The following DERL2 variants were observed in gnomAD, a reference collection of about 807,000 sequenced individuals.
DERL2 encodes derlin-2.
A neutral mutation model predicts 32.0 loss-of-function variants in DERL2; 13 were observed. The observed-to-expected ratio is 0.41, with a 90% confidence interval of 0.26 to 0.65. The LOEUF (loss-of-function observed/expected upper bound fraction) is 0.65. Ranked by LOEUF, DERL2 falls within the 30% of genes least tolerant of loss-of-function variation. The pLI is 0.35. For missense variants in DERL2, 208 were observed against 296.3 expected (o/e 0.70, Z 2.19); for synonymous variants, 111 against 104.7 (o/e 1.06, Z -0.37).
At chr17:5,478,569 G>A (rs151250454) in intron 6 of DERL2, among the ~76,000 whole-genome samples, 1,553 of 152,264 alleles carry the variant, frequency 0.01, 6 homozygotes, top group Non-Finnish European at 0.015. Context: ...TCTGGAAGGC[G>A]TTTGGCAACA....
At chr17:5,480,970 T>A in intron 4 of DERL2, 1 of 550,704 alleles carries the variant, frequency 1.8e-6, no homozygotes, top group East Asian at 3.0e-5. Flanking sequence ...ATTGTATAGA[T>A]GAAAATTCTT....
chr17:5,481,085 C>A lies in DERL2; in HGVS notation c.327+211G>T. 1.7e-6 allele frequency: 1 copy of A among 606,050 alleles called. No homozygotes were observed. The highest frequency in any genetic ancestry group is 2.8e-5 in the East Asian group (1 of 35,658). The allele number at this position is 606,050 out of a possible 1,614,324, so 37.5% of individuals were successfully genotyped here. A position where few individuals can be genotyped will look rare whatever the true frequency, so the allele number is the denominator to read the frequency against. On this transcript the variant is annotated intron_variant, in intron 4 of 6. Transcript: ENST00000158771. This position sits in a 1 kb window ranked among gnomAD's most constrained non-coding sequence, Gnocchi z 4.4. ...AAGCAGTAATGATATAACTGAGTTG[C>A]TTAACAGTAACCCACCTGGGTTAAA...
intron 1 of DERL2, among the ~76,000 whole-genome samples, chr17:5,485,473 C>T (rs1472861515): frequency 1.3e-5 from 2 of 152,160 alleles, no homozygotes; most frequent in African/African-American, 4.8e-5. Flanking sequence ...AGAAATGAGG[C>T]AGACAGGTGG....
Position 5,485,134 on chromosome 17 carries a change from T to C in DERL2, c.159+17A>G, listed in dbSNP as rs745532924. On this transcript the variant is annotated intron_variant, in intron 2 of 6. Coordinates refer to ENST00000158771, the MANE Select transcript of DERL2 (RefSeq NM_016041.5). Reference sequence around the variant, plus strand: ...AAGAAACTGAAGCATTAATCACTATTGTGATGAACCACTTACTTGAAAGTG... The same window carrying C: ...AAGAAACTGAAGCATTAATCACTATCGTGATGAACCACTTACTTGAAAGTG... 1 of 1,518,424 alleles carries C rather than the reference T, an allele frequency of 6.6e-7. No homozygotes were observed. The highest frequency in any genetic ancestry group is 2.0e-5 in the Admixed American group (1 of 50,688). 94.1% of individuals were successfully genotyped at this position (1,518,424 alleles called of 1,614,324 possible).
intron 3 of DERL2, chr17:5,482,596 G>A: frequency 2.4e-6 from 1 of 422,302 alleles, no homozygotes; most frequent in South Asian, 2.6e-5. Context: ...GAGCAGAAGT[G>A]CTATCTTTTT....
chr17:5,479,802 G>T (rs1485029342), intron 6 of DERL2, among the ~76,000 whole-genome samples: 1 of 152,132 alleles, frequency 6.6e-6, no homozygotes, highest in African/African-American at 2.4e-5. Flanking sequence ...AAGTTCTAGT[G>T]GTCATCTCTA....
intron 6 of DERL2, among the ~76,000 whole-genome samples, chr17:5,478,277 A>G (rs1017589134): frequency 6.6e-6 from 1 of 152,168 alleles, no homozygotes; most frequent in Non-Finnish European, 1.5e-5. Flanking sequence ...CAGGAGGCTG[A>G]GGTGGGAGGA....
chr17:5,479,188 G>C (rs1905591859), intron 6 of DERL2, among the ~76,000 whole-genome samples: 1 of 152,166 alleles, frequency 6.6e-6, no homozygotes, highest in South Asian at 2.1e-4. Context: ...CGCAATCATA[G>C]TGTATGCAGC....
chr17:5,476,376 A>G (rs746183769), intron 6 of DERL2, among the ~76,000 whole-genome samples: 6 of 152,248 alleles, frequency 3.9e-5, no homozygotes, highest in Non-Finnish European at 8.8e-5. Context: ...AAACAAACAT[A>G]CCAACAGAAA....
intron 2 of DERL2, 73 bp from the exon 3 acceptor site, chr17:5,482,955 A>G: frequency 2.4e-6 from 2 of 830,162 alleles, no homozygotes; most frequent in Non-Finnish European, 3.8e-6. Flanking sequence ...ATATTAATAC[A>G]AAAGAAACAT....
intron 5 of DERL2, 66 bp downstream of exon 5, chr17:5,480,321 A>C: frequency 6.7e-7 from 1 of 1,502,272 alleles, no homozygotes; most frequent in South Asian, 1.2e-5. Flanking sequence ...CAGAATAAAC[A>C]TGAAAAATAG....
intron 2 of DERL2, among the ~76,000 whole-genome samples, chr17:5,484,699 G>C (rs2151710276): frequency 6.6e-6 from 1 of 152,310 alleles, no homozygotes; most frequent in South Asian, 2.1e-4. Context: ...TGAGTTTCTG[G>C]ACCATGGTGA....
chr17:5,481,305 G>C lies in DERL2; in HGVS notation c.318C>G (p.Phe106Leu). 6.2e-7 allele frequency: 1 copy of C among 1,613,048 alleles called. No individual in the cohort carries two copies. The highest frequency in any genetic ancestry group is 8.5e-7 in the Non-Finnish European group (1 of 1,179,018). ...GTTTGTTGAAGGATACGGTCATTAA[G>C]AATCCACCAAAAAGGAACATAAATA... ...DFVFMFLFGGFLMTLFGLFVS... is the reference protein window; with the variant it reads ...DFVFMFLFGGLLMTLFGLFVS... The change falls in exon 4 of 7, where the codon TTC becomes TTG. Residue 106 changes from phenylalanine (F) to leucine (L), a missense_variant. Physicochemically the swap from Phe to Leu is conservative, Grantham distance 22. Coordinates refer to ENST00000158771, the MANE Select transcript of DERL2 (RefSeq NM_016041.5). This position sits in a 1 kb window ranked among gnomAD's most constrained non-coding sequence, Gnocchi z 4.4.
rs1033314637 is a variant in DERL2 at position 5,479,921 on chromosome 17, A to G, written c.614+133T>C. ...GTCCAAGTGCTCTTCAACTGTAGCC[A>G]GAATGCTCAATCTGCAAATGGTTAC... On this transcript the variant is annotated intron_variant, in intron 6 of 6. Coordinates refer to ENST00000158771, the MANE Select transcript of DERL2 (RefSeq NM_016041.5). 4 of 605,380 alleles carry G rather than the reference A, an allele frequency of 6.6e-6. No individual in the cohort carries two copies. In the East Asian group the frequency reaches 8.4e-5, roughly 13 times the overall value. 37.5% of individuals were successfully genotyped at this position (605,380 alleles called of 1,614,324 possible).
Position 5,481,562 on chromosome 17 carries a change from A to C in DERL2, c.234-173T>G, listed in dbSNP as rs1269449037. Among the ~76,000 whole-genome samples the C allele has an allele frequency of 1.3e-5, 2 of 152,326 alleles. No homozygotes were observed. The highest frequency in any genetic ancestry group is 2.9e-5 in the Non-Finnish European group (2 of 68,024). The stretch of plus-strand genomic sequence containing the variant: ...TACTTTTTTACCAAGCATTTGAGAA[A>C]AGGTCAAGACCAGCATCATTTTTTA... On this transcript the variant is annotated intron_variant, in intron 3 of 6. Transcript: ENST00000158771. The surrounding 1 kb of genome is among the most constrained non-coding windows in gnomAD (Gnocchi z 4.4).
chr17:5,482,638 C>T, intron 3 of DERL2, 171 bp downstream of exon 3: 1 of 509,692 alleles, frequency 2.0e-6, no homozygotes, highest in East Asian at 3.8e-5. Flanking sequence ...AACAAAGTGA[C>T]CTACAGACAT....
intron 2 of DERL2, among the ~76,000 whole-genome samples, chr17:5,484,054 G>A (rs529171837): frequency 6.6e-6 from 1 of 152,326 alleles, no homozygotes; most frequent in East Asian, 1.9e-4. Context: ...CTAAAACAAA[G>A]GAGGATGAGT....
chr17:5,476,334 G>A (rs779282899), intron 6 of DERL2, among the ~76,000 whole-genome samples: 1 of 152,130 alleles, frequency 6.6e-6, no homozygotes, highest in African/African-American at 2.4e-5. Flanking sequence ...AATTCAAAAT[G>A]AGTTTTTAAA....
rs1001691192 is a variant in DERL2, at chr17:5,473,830, GAAAAA to G, written c.*849_*853del. 6.7e-6 allele frequency: 1 copy of G among 149,984 alleles called. No individual in the cohort carries two copies. Among genetic ancestry groups the G allele is most frequent in the African/African-American group, 2.5e-5 (1 of 40,764 alleles). The allele number at this position is 149,984 out of a possible 1,614,324, so 9.3% of individuals were successfully genotyped here. On this transcript the variant is annotated 3_prime_UTR_variant, in exon 7 of 7. Coordinates refer to ENST00000158771, the MANE Select transcript of DERL2 (RefSeq NM_016041.5). ...AATTAAAACTTTTTTAAAAATAAAA[GAAAAA>G]AAAAGTCTAATGAAAATCTTCCTAG...
Sources: allele counts gnomAD v4.1 joint callset (sites outside exome capture counted in the v4.1 genomes callset), GRCh38; gene constraint gnomAD v4.1.1; non-coding constraint Gnocchi (gnomAD v3.1); transcripts MANE v1.5; gene names NCBI Gene and HGNC (gene_info 2026-07-23, HGNC 2026-07-21).